TJP3: variants seen among roughly 807,000 people sequenced by gnomAD.
TJP3 encodes tight junction protein 3, also known as tight junction protein ZO-3.
A neutral mutation model predicts 104.2 loss-of-function variants in TJP3; 85 were observed. The observed-to-expected ratio is 0.82, with a 90% confidence interval of 0.68 to 0.98. The LOEUF (loss-of-function observed/expected upper bound fraction) is 0.98, where lower values mean the gene tolerates loss of function less well. TJP3 is among the 50% of genes least tolerant of loss of function. The pLI is 0.00. For synonymous variants in TJP3, 550 were observed against 550.6 expected (o/e 1.00, Z 0.02); for missense variants, 1,367 against 1,322.8 (o/e 1.03, Z -0.52).
At chr19:3,749,811 G>C in intron 19 of TJP3, 1 of 412,742 alleles carries the variant, frequency 2.4e-6, no homozygotes, top group Non-Finnish European at 4.4e-6. Flanking sequence ...CTGCTCAACT[G>C]TCCATGGCAG....
At chr19:3,722,285 CAG>C (rs1029121741) in intron 1 of TJP3, among the ~76,000 whole-genome samples, 2 of 152,092 alleles carry the variant, frequency 1.3e-5, no homozygotes, top group Non-Finnish European at 2.9e-5. Context: ...GCATTTTAAA[CAG>C]AGAGAAAAAT....
At chr19:3,731,431 T>C (rs2036669392) in intron 5 of TJP3, among the ~76,000 whole-genome samples, 1 of 152,058 alleles carries the variant, frequency 6.6e-6, no homozygotes, top group African/African-American at 2.4e-5. Flanking sequence ...CCAGTAGTTC[T>C]AGACCAGCCT....
chr19:3,719,002 G>A (rs934952203), intron 1 of TJP3, among the ~76,000 whole-genome samples: 1 of 151,822 alleles, frequency 6.6e-6, no homozygotes, highest in Non-Finnish European at 1.5e-5. Context: ...TGGCCAACAT[G>A]GTGAAACCCC....
At chr19:3,708,647 C>T (rs935441624) in intron 1 of TJP3, 86 bp downstream of exon 1, 6 of 152,294 alleles carry the variant, frequency 3.9e-5, no homozygotes, top group Non-Finnish European at 5.9e-5. Flanking sequence ...TAGACTCCCC[C>T]CCAACCTCCC....
chr19:3,746,948 G>A lies in TJP3; in HGVS notation c.2322+72G>A, dbSNP rs964974132. On this transcript the variant is annotated intron_variant, in intron 18 of 20. Coordinates refer to ENST00000541714, the MANE Select transcript of TJP3 (RefSeq NM_001267560.2). This position sits in a 1 kb window ranked among gnomAD's most constrained non-coding sequence, Gnocchi z 4.1. ...CTGTGCAGGCCCAGCTGGGGTTTGG[G>A]GCCTCTGTCGGGAGTTAGGGCTTGG... The A allele has an allele frequency of 6.6e-5, 94 of 1,433,378 alleles. 1 individual carries two copies. The highest frequency in any genetic ancestry group is 7.9e-5 in the Non-Finnish European group (83 of 1,044,978). The allele number at this position is 1,433,378 out of a possible 1,614,324, so 88.8% of individuals were successfully genotyped here.
intron 1 of TJP3, among the ~76,000 whole-genome samples, chr19:3,725,079 A>G (rs1216501807): frequency 6.6e-6 from 1 of 152,054 alleles, no homozygotes; most frequent in Non-Finnish European, 1.5e-5. Flanking sequence ...TGGTCAACAT[A>G]GCAAAACCCC....
Position 3,728,317 on chromosome 19 carries a change from A to G in TJP3, c.-9-107A>G, listed in dbSNP as rs996921382. On this transcript the variant is annotated intron_variant, in intron 1 of 20. Transcript: ENST00000541714. ...AGGTAGTAACTTGTCACAGGCTCCA[A>G]ACACAGGCCTGTCAGAGCTGGACTC... is the stretch of plus-strand genomic sequence containing the variant. 4 of 1,569,712 alleles carry G rather than the reference A, an allele frequency of 2.5e-6. No homozygotes were observed. In the East Asian group the frequency reaches 6.8e-5, roughly 27 times the overall value.
intron 12 of TJP3, 60 bp from the exon 13 acceptor site, chr19:3,738,837 G>C: frequency 9.5e-6 from 14 of 1,472,210 alleles, no homozygotes; most frequent in East Asian, 4.6e-5. Context: ...ACTCTCGGGT[G>C]GGGAGGGCTC....
At position 3,733,680 on chromosome 19, in the gene TJP3, A is replaced by G. The variant is rs559170810; in HGVS notation, c.718-73A>G. 3 of 1,586,108 alleles carry G rather than the reference A, an allele frequency of 1.9e-6. No homozygotes were observed. In the African/African-American group the frequency reaches 4.0e-5, roughly 21 times the overall value. The stretch of plus-strand genomic sequence containing the variant: ...GGAATTGTCTGTTTCAAGTTCCCCC[A>G]CACCAGGCTGTTTCTACTGTCTCCC... On this transcript the variant is annotated intron_variant, in intron 6 of 20. Coordinates refer to ENST00000541714, the MANE Select transcript of TJP3 (RefSeq NM_001267560.2).
intron 1 of TJP3, among the ~76,000 whole-genome samples, chr19:3,711,125 T>G (rs1401623510): frequency 1.7e-5 from 1 of 60,534 alleles, no homozygotes; most frequent in Non-Finnish European, 3.3e-5. Context: ...AGATGGTCTC[T>G]CCTGACCTTG....
intron 1 of TJP3, among the ~76,000 whole-genome samples, chr19:3,712,959 A>AAG (rs1568376256): frequency 6.6e-6 from 1 of 151,694 alleles, no homozygotes; most frequent in African/African-American, 2.4e-5. Context: ...CAAAAAAAAA[A>AAG]AAAAGAAAAG....
At chr19:3,732,581 C>A (rs1272956825) in intron 6 of TJP3, among the ~76,000 whole-genome samples, 1 of 151,628 alleles carries the variant, frequency 6.6e-6, no homozygotes, top group Non-Finnish European at 1.5e-5. Flanking sequence ...GCAATCTCGG[C>A]TCACTGCAAC....
chr19:3,736,076 G>A, intron 10 of TJP3, 89 bp from the exon 11 acceptor site: 1 of 1,569,804 alleles, frequency 6.4e-7, no homozygotes, highest in Non-Finnish European at 8.7e-7. Flanking sequence ...CTGAGGCCTG[G>A]AGGGGGTGGG....
chr19:3,719,612 T>C (rs191617607), intron 1 of TJP3, among the ~76,000 whole-genome samples: 1,778 of 151,566 alleles, frequency 0.012, 35 homozygotes, highest in African/African-American at 0.041. Flanking sequence ...GGCGGGTGCC[T>C]GTAGTCCCAG....
chr19:3,719,791 G>A (rs568086086), intron 1 of TJP3, among the ~76,000 whole-genome samples: 2 of 151,582 alleles, frequency 1.3e-5, no homozygotes, highest in African/African-American at 2.4e-5. Context: ...GATGTGAGAA[G>A]GTGCGTTGAA....
At chr19:3,748,189 G>A (rs998180776) in intron 19 of TJP3, 108 bp downstream of exon 19, 287 of 1,375,350 alleles carry the variant, frequency 2.1e-4, no homozygotes, top group Admixed American at 3.4e-4. Flanking sequence ...CAACAAACAC[G>A]GCTTCCCTGG....
At chr19:3,717,582 C>T (rs1416834612) in intron 1 of TJP3, among the ~76,000 whole-genome samples, 1 of 151,732 alleles carries the variant, frequency 6.6e-6, no homozygotes, top group South Asian at 2.1e-4. Flanking sequence ...ATTACAGGCG[C>T]CTGCCACCAT....
intron 11 of TJP3, among the ~76,000 whole-genome samples, chr19:3,737,232 T>TCTTGTTATCAGTGTCACAATCTC (rs2036749677): frequency 1.3e-5 from 2 of 151,786 alleles, no homozygotes; most frequent in Admixed American, 1.3e-4. Context: ...CATGTGACAT[T>TCTTGTTATCAGTGTCACAATCTC]CTTGTTATCA....
chr19:3,731,785 G>A (rs8101530), intron 5 of TJP3, 150 bp from the exon 6 acceptor site: 105,609 of 572,864 alleles, frequency 0.18, 10,312 homozygotes, highest in Non-Finnish European at 0.21. Context: ...ATCAGATCTC[G>A]GGTCCTACGG....
Sources: allele counts gnomAD v4.1 joint callset (sites outside exome capture counted in the v4.1 genomes callset), GRCh38; gene constraint gnomAD v4.1.1; non-coding constraint Gnocchi (gnomAD v3.1); transcripts MANE v1.5; gene names NCBI Gene and HGNC (gene_info 2026-07-23, HGNC 2026-07-21).